The following NBEA variants were observed in gnomAD, a reference collection of about 807,000 sequenced individuals.
NBEA encodes the protein lysosomal-trafficking regulator 2.
Under a neutral mutation model 343.4 loss-of-function variants are expected in NBEA, and 44 were observed. That is an observed-to-expected ratio of 0.13 (90% confidence interval 0.10 to 0.16). The LOEUF is 0.16. Ranked by LOEUF, NBEA falls within the 10% of genes least tolerant of loss-of-function variation. NBEA has a pLI of 1.00. For missense variants in NBEA, 2,555 were observed against 3,631.3 expected, an observed-to-expected ratio of 0.70 and a Z score of 7.62; for synonymous variants, 1,175 against 1,238.7, an observed-to-expected ratio of 0.95 and a Z score of 1.08.
At chr13:35,049,381 A>G (rs1286728581) in intron 5 of NBEA, among the ~76,000 whole-genome samples, 5 of 151,806 alleles carry the variant, frequency 3.3e-5, no homozygotes, top group African/African-American at 7.2e-5. Flanking sequence ...ACCACCTACT[A>G]TTCACCTTGT....
intron 41 of NBEA, among the ~76,000 whole-genome samples, chr13:35,490,862 A>G (rs972169581): frequency 8.5e-5 from 13 of 152,074 alleles, no homozygotes; most frequent in African/African-American, 2.6e-4. Context: ...GCTAGGAGTT[A>G]GCAGAGTTAA....
intron 7 of NBEA, among the ~76,000 whole-genome samples, chr13:35,056,881 G>A (rs2063286280): frequency 1.3e-5 from 2 of 152,042 alleles, no homozygotes; most frequent in South Asian, 4.1e-4. Context: ...GCAGTATTGA[G>A]AATATTTTGA....
intron 36 of NBEA, among the ~76,000 whole-genome samples, chr13:35,323,101 C>T (rs2038283528): frequency 6.6e-6 from 1 of 152,172 alleles, no homozygotes; most frequent in Non-Finnish European, 1.5e-5. Flanking sequence ...CCACCTGCCT[C>T]AGCCTCCCAA....
At chr13:35,465,823 G>GT (rs35032851) in intron 40 of NBEA, among the ~76,000 whole-genome samples, 31,609 of 146,002 alleles carry the variant, frequency 0.22, 3,420 homozygotes, top group East Asian at 0.35. Context: ...AAATGCAGCA[G>GT]TTTTTTTTTT....
chr13:35,476,448 C>T lies in NBEA; in HGVS notation c.6585+3912C>T, dbSNP rs1467894087. The T allele has an allele frequency of 1.1e-5, 10 of 900,440 alleles. No individual in the cohort carries two copies. In the East Asian group the frequency reaches 2.6e-4, roughly 24 times the overall value. 55.8% of individuals were successfully genotyped at this position (900,440 alleles called of 1,614,324 possible). On this transcript the variant is annotated intron_variant, in intron 41 of 58. Transcript: ENST00000379939. ...GTCTCTCTTCCTCTTTTAAAGAATC[C>T]TTGTGTGAGAGAACCGCATGGAGAG...
intron 36 of NBEA, among the ~76,000 whole-genome samples, chr13:35,336,421 G>A (rs2039265031): frequency 6.6e-6 from 1 of 152,030 alleles, no homozygotes; most frequent in South Asian, 2.1e-4. Context: ...ATACACTATT[G>A]GTGGGGGTGC....
rs117232957 is a variant in NBEA, at chr13:35,500,142, A to G, written c.6585+27606A>G. ...TTAACTTAAGTGACAGCTGCAATTCATTGCCTATTCTTTGTGATGTCCTGC... is the reference window on the plus strand; with the variant it reads ...TTAACTTAAGTGACAGCTGCAATTCGTTGCCTATTCTTTGTGATGTCCTGC... On this transcript the variant is annotated intron_variant, in intron 41 of 58. Transcript: ENST00000379939. 2.5e-3 allele frequency among the ~76,000 whole-genome samples: 385 copies of G among 152,232 alleles called. 1 individual carries two copies. Among genetic ancestry groups the G allele is most frequent in the Non-Finnish European group, 4.3e-3 (291 of 67,994 alleles).
chr13:35,349,191 A>G lies in NBEA; in HGVS notation c.5987A>G (p.Asp1996Gly), dbSNP rs750668975. ...ATTTTGAACAGACAAAGAGCCGAGG[A>G]TGTACATAAACATGCAGAGTTTGAG... is the stretch of plus-strand genomic sequence containing the variant. ...EFILNRQRAEDVHKHAEFESQ... is the reference protein window; with the variant it reads ...EFILNRQRAEGVHKHAEFESQ... Residue 1996 changes from aspartate (D) to glycine (G), a missense_variant, in exon 37 of 59, where the codon GAT (aspartate) becomes GGT (glycine). By Grantham distance (94) the Asp-to-Gly change is moderately conservative. Coordinates refer to ENST00000379939, the MANE Select transcript of NBEA (RefSeq NM_001385012.1). The G allele has an allele frequency of 6.2e-7, 1 of 1,603,782 alleles. No individual in the cohort carries two copies. Among genetic ancestry groups the G allele is most frequent in the Non-Finnish European group, 8.5e-7 (1 of 1,173,914 alleles).
intron 38 of NBEA, among the ~76,000 whole-genome samples, chr13:35,401,414 GTTAC>G (rs2042998176): frequency 6.6e-6 from 1 of 152,030 alleles, no homozygotes; most frequent in African/African-American, 2.4e-5. Context: ...ATCAATAAGT[GTTAC>G]TTAAATAAAA....
In NBEA at chr13:35,216,263, A is replaced by G. The variant is rs145764198; in HGVS notation, c.5648+5084A>G. Among the ~76,000 whole-genome samples the G allele has an allele frequency of 3.8e-4, 58 of 151,738 alleles. 3 individuals are homozygous for G. The East Asian group carries it at 0.011, about 29-fold the overall frequency. ...CCCATATCTTAGAGTGGAAACTGAG[A>G]TTGAGTGTCTATAAACTGTGGACCA... On this transcript the variant is annotated intron_variant, in intron 33 of 58. Transcript: ENST00000379939.
At chr13:35,141,007 C>T (rs898819526) in intron 17 of NBEA, among the ~76,000 whole-genome samples, 1 of 152,114 alleles carries the variant, frequency 6.6e-6, no homozygotes, top group Non-Finnish European at 1.5e-5. Flanking sequence ...GAGTGCTTTT[C>T]CTGTGGGTCA....
chr13:35,005,152 CTT>C (rs768150707), intron 1 of NBEA, among the ~76,000 whole-genome samples: 1 of 151,048 alleles, frequency 6.6e-6, no homozygotes, highest in Non-Finnish European at 1.5e-5. Flanking sequence ...TCTGGACTAT[CTT>C]TTCAGGGATT....
intron 45 of NBEA, among the ~76,000 whole-genome samples, chr13:35,574,390 G>GA (rs1211548433): frequency 1.5e-5 from 2 of 136,276 alleles, no homozygotes; most frequent in African/African-American, 5.6e-5. Flanking sequence ...CAAAAAAAAA[G>GA]AAAAACAAAA....
intron 6 of NBEA, among the ~76,000 whole-genome samples, chr13:35,054,437 T>A (rs2063173361): frequency 6.6e-6 from 1 of 152,020 alleles, no homozygotes; most frequent in Non-Finnish European, 1.5e-5. Flanking sequence ...AGGGCTAACA[T>A]ATATGTTGGT....
chr13:35,526,349 AT>A (rs1374639721), intron 41 of NBEA, among the ~76,000 whole-genome samples: 1 of 152,246 alleles, frequency 6.6e-6, no homozygotes, highest in Non-Finnish European at 1.5e-5. Flanking sequence ...AAAATAAAAC[AT>A]TAAAAAAATA....
intron 32 of NBEA, among the ~76,000 whole-genome samples, chr13:35,209,575 TGATTCC>T (rs1231620314): frequency 6.6e-6 from 1 of 152,056 alleles, no homozygotes; most frequent in Non-Finnish European, 1.5e-5. Context: ...CAAATCTTTG[TGATTCC>T]ATTTTAGGTA....
intron 34 of NBEA, among the ~76,000 whole-genome samples, chr13:35,244,507 G>A (rs2066037): frequency 0.045 from 6,819 of 151,954 alleles, 180 homozygotes; most frequent in South Asian, 0.079. Context: ...TGCTGTTTTC[G>A]TGACTATGGC....
intron 45 of NBEA, among the ~76,000 whole-genome samples, chr13:35,572,050 G>T (rs2153030106): frequency 6.6e-6 from 1 of 152,250 alleles, no homozygotes; most frequent in East Asian, 1.9e-4. Flanking sequence ...TAGGGGCTAT[G>T]TTTATTGTTT....
At chr13:35,045,707 TTTTTGTTTTGTTTTG>T (rs57585958) in intron 4 of NBEA, among the ~76,000 whole-genome samples, 15 of 150,760 alleles carry the variant, frequency 9.9e-5, no homozygotes, top group South Asian at 2.1e-4. Context: ...TATACAGTGT[TTTTTGTTTTGTTTTG>T]TTTTGTTTTG....
Sources: allele counts gnomAD v4.1 joint callset (sites outside exome capture counted in the v4.1 genomes callset), GRCh38; gene constraint gnomAD v4.1.1; transcripts MANE v1.5; gene names NCBI Gene and HGNC (gene_info 2026-07-23, HGNC 2026-07-21).